SLC4A4: variants seen among roughly 807,000 people sequenced by gnomAD.
The protein encoded by SLC4A4 is solute carrier family 4 member 4, also known as electrogenic sodium bicarbonate cotransporter 1.
In SLC4A4, 27 loss-of-function variants were observed where a neutral mutation model predicts 111.5. The observed-to-expected ratio is 0.24, with a 90% confidence interval of 0.18 to 0.33. The LOEUF is 0.33. Among genes scored for constraint, SLC4A4 ranks in the 10% least tolerant of loss-of-function variants. SLC4A4 has a pLI of 1.00. For synonymous variants in SLC4A4, 443 were observed against 463.4 expected, an observed-to-expected ratio of 0.96 and a Z score of 0.57; for missense variants, 909 against 1,315.5, an observed-to-expected ratio of 0.69 and a Z score of 4.78.
rs553106329 is a variant in SLC4A4 at position 71,472,578 on chromosome 4, A to G, written c.1632-121A>G. 33 of 982,508 alleles carry G rather than the reference A, an allele frequency of 3.4e-5. No individual in the cohort carries two copies. The African/African-American group carries it at 3.9e-4, about 12-fold the overall frequency. The allele number at this position is 982,508 out of a possible 1,614,324, so 60.9% of individuals were successfully genotyped here. ...CTTTCTGGCTAAAGTAGAGTTTCAC[A>G]TTTAGTGGCTAAAGGTGATCTTGTA... On this transcript the variant is annotated intron_variant, in intron 13 of 25. Transcript: ENST00000264485.
chr4:71,248,089 A>C (rs1720807272), intron 2 of SLC4A4, among the ~76,000 whole-genome samples: 3 of 152,108 alleles, frequency 2.0e-5, no homozygotes, highest in Admixed American at 2.0e-4. Flanking sequence ...ACTCTGTAGG[A>C]TGGCTAAAAC....
At chr4:71,347,219 A>G (rs954021187) in intron 4 of SLC4A4, among the ~76,000 whole-genome samples, 4 of 152,170 alleles carry the variant, frequency 2.6e-5, no homozygotes, top group African/African-American at 9.6e-5. Context: ...GGAGAGGAAT[A>G]AATAAAAGAT....
At position 71,570,120 on chromosome 4, in the gene SLC4A4, T is replaced by G. The variant is rs865828466; in HGVS notation, c.*2369T>G. The G allele has an allele frequency of 1.3e-5, 2 of 151,920 alleles. No homozygotes were observed. Among genetic ancestry groups the G allele is most frequent in the Middle Eastern group, 6.8e-3 (2 of 294 alleles). The allele number at this position is 151,920 out of a possible 1,614,324, so 9.4% of individuals were successfully genotyped here. A position where few individuals can be genotyped will look rare whatever the true frequency, so the allele number is the denominator to read the frequency against. ...CGTGATCTTCTTAAGTTAAAGGTAC[T>G]TTTGTTTTATAAAAGCTCTAGATAA... On this transcript the variant is annotated 3_prime_UTR_variant, in exon 26 of 26. Coordinates refer to ENST00000264485, the MANE Select transcript of SLC4A4 (RefSeq NM_001098484.3).
chr4:71,110,931 A>G (rs1025977462), intron 2 of SLC4A4, among the ~76,000 whole-genome samples: 16 of 152,114 alleles, frequency 1.1e-4, no homozygotes, highest in African/African-American at 3.6e-4. Context: ...ATCAAACTTG[A>G]TCTAAAAAAA....
At chr4:71,298,399 A>C (rs1262735008) in intron 3 of SLC4A4, among the ~76,000 whole-genome samples, 4 of 152,350 alleles carry the variant, frequency 2.6e-5, no homozygotes, top group Middle Eastern at 3.4e-3. Flanking sequence ...CTTAGTTTCT[A>C]CACAGCCTTG....
chr4:71,404,541 T>C (rs1012679597), intron 7 of SLC4A4, among the ~76,000 whole-genome samples: 8 of 152,216 alleles, frequency 5.3e-5, no homozygotes, highest in Non-Finnish European at 1.0e-4. Context: ...TCTGCCAGTA[T>C]GCCAATACCA....
intron 2 of SLC4A4, among the ~76,000 whole-genome samples, chr4:71,253,049 G>GA (rs1356514448): frequency 2.6e-5 from 4 of 152,136 alleles, no homozygotes; most frequent in Admixed American, 6.5e-5. Context: ...AGTGCACAGG[G>GA]AAAACCAAGA....
rs141805781 is a variant in SLC4A4 at position 71,496,603 on chromosome 4, A to G, written c.1975-898A>G. On this transcript the variant is annotated intron_variant, in intron 15 of 25. Coordinates refer to ENST00000264485, the MANE Select transcript of SLC4A4 (RefSeq NM_001098484.3). ...TAATGGCAGTTCTCTAGAGAAAAAG[A>G]CAGCTGTGAATTAAGAGCAGCTAGT... is the stretch of plus-strand genomic sequence containing the variant. 2.6e-4 allele frequency among the ~76,000 whole-genome samples: 39 copies of G among 152,138 alleles called. 1 individual carries two copies. The East Asian group carries it at 7.4e-3, about 29-fold the overall frequency.
chr4:71,082,699 AT>A (rs1412311884), intron 1 of SLC4A4, among the ~76,000 whole-genome samples: 1 of 151,922 alleles, frequency 6.6e-6, no homozygotes, highest in Non-Finnish European at 1.5e-5. Context: ...TTTGCTTCAG[AT>A]TTTTTGAAAT....
intron 2 of SLC4A4, among the ~76,000 whole-genome samples, chr4:71,134,685 A>G (rs947633373): frequency 5.3e-5 from 8 of 152,184 alleles, no homozygotes; most frequent in Non-Finnish European, 1.0e-4. Context: ...TGTCTTTAGC[A>G]TGGCTGAGGG....
At chr4:71,399,917 G>A (rs947872355) in intron 7 of SLC4A4, among the ~76,000 whole-genome samples, 6 of 152,182 alleles carry the variant, frequency 3.9e-5, no homozygotes, top group African/African-American at 1.4e-4. Context: ...TGATCAGGAA[G>A]AAGAGCATTT....
intron 24 of SLC4A4, 39 bp downstream of exon 24, chr4:71,563,928 G>T: frequency 1.5e-6 from 2 of 1,296,616 alleles, no homozygotes; most frequent in South Asian, 2.4e-5. Flanking sequence ...GCTTGAATAT[G>T]ATTTGCACTT....
intron 3 of SLC4A4, among the ~76,000 whole-genome samples, chr4:71,259,217 A>G (rs1721672620): frequency 5.3e-5 from 8 of 152,210 alleles, no homozygotes; most frequent in Admixed American, 5.2e-4. Flanking sequence ...GAGATGGCAT[A>G]ATTAACAGGT....
chr4:71,408,396 T>C (rs189613883), intron 7 of SLC4A4, among the ~76,000 whole-genome samples: 1 of 152,332 alleles, frequency 6.6e-6, no homozygotes, highest in East Asian at 1.9e-4. Flanking sequence ...GTTATATAAA[T>C]CTTCATCATC....
At position 71,486,947 on chromosome 4, in the gene SLC4A4, G is replaced by C; in HGVS notation, c.1904-1G>C. On this transcript the variant is annotated splice_acceptor_variant, in intron 14 of 25. Coordinates refer to ENST00000264485, the MANE Select transcript of SLC4A4 (RefSeq NM_001098484.3). LOFTEE classifies it high-confidence loss of function. ...ATAAAATAATTATCTTTTGCTTACAGCTAATATCTCAATATCTAATGACAC... is the reference window on the plus strand; with the variant it reads ...ATAAAATAATTATCTTTTGCTTACACCTAATATCTCAATATCTAATGACAC... 1 of 1,584,708 alleles carries C rather than the reference G, an allele frequency of 6.3e-7. No homozygotes were observed. The highest frequency in any genetic ancestry group is 8.6e-7 in the Non-Finnish European group (1 of 1,156,392).
chr4:71,152,756 G>A (rs2148972825), intron 2 of SLC4A4, among the ~76,000 whole-genome samples: 1 of 151,960 alleles, frequency 6.6e-6, no homozygotes, highest in African/African-American at 2.4e-5. Flanking sequence ...TTAAGGATGG[G>A]TCTGCCTTTC....
chr4:71,313,322 G>T (rs957729676), intron 3 of SLC4A4, among the ~76,000 whole-genome samples: 1 of 152,130 alleles, frequency 6.6e-6, no homozygotes, highest in Non-Finnish European at 1.5e-5. Flanking sequence ...ATGGATACAA[G>T]AATCAATATC....
intron 3 of SLC4A4, among the ~76,000 whole-genome samples, chr4:71,291,056 C>T (rs1413988790): frequency 1.3e-5 from 2 of 152,238 alleles, no homozygotes; most frequent in East Asian, 3.9e-4. Flanking sequence ...ATTTAATGAC[C>T]TACAGTTAAC....
At chr4:71,265,770 A>G (rs1402841106) in intron 3 of SLC4A4, among the ~76,000 whole-genome samples, 1 of 152,006 alleles carries the variant, frequency 6.6e-6, no homozygotes, top group Non-Finnish European at 1.5e-5. Flanking sequence ...TGTTATCATT[A>G]CCTCTTTGTG....
Sources: gnomAD v4.1 joint callset for allele counts (sites outside exome capture counted in the v4.1 genomes callset) on GRCh38, gnomAD v4.1.1 for gene constraint, MANE v1.5 for transcripts, NCBI Gene and HGNC (gene_info 2026-07-23, HGNC 2026-07-21) for gene names.